Variants in ARB2A observed in about 807,000 individuals in gnomAD.
The protein encoded by ARB2A is cotranscriptional regulator ARB2A.
At chr5:93,970,899 A>C in the ARB2A span, among the ~76,000 whole-genome samples, 1 of 152,224 alleles carries the variant, frequency 6.6e-6, no homozygotes, top group Non-Finnish European at 1.5e-5. Context: ...AACAAGCAAT[A>C]TGATTTATCA....
chr5:93,752,838 A>T, the ARB2A span, among the ~76,000 whole-genome samples: 1 of 152,186 alleles, frequency 6.6e-6, no homozygotes, highest in South Asian at 2.1e-4. Flanking sequence ...CTGGTGGTCA[A>T]CTTTTACAAT....
At chr5:93,726,913 G>A in the ARB2A span, among the ~76,000 whole-genome samples, 1 of 152,006 alleles carries the variant, frequency 6.6e-6, no homozygotes, top group East Asian at 1.9e-4. Flanking sequence ...AGGGCAAGAA[G>A]TTTCTAGATT....
chr5:93,947,045 T>C, the ARB2A span, among the ~76,000 whole-genome samples: 70 of 152,308 alleles, frequency 4.6e-4, no homozygotes, highest in African/African-American at 1.5e-3. Context: ...CTGTCTTCCT[T>C]AACTCTAGCT....
the ARB2A span, among the ~76,000 whole-genome samples, chr5:93,824,494 A>C: frequency 6.6e-6 from 1 of 152,214 alleles, no homozygotes; most frequent in Non-Finnish European, 1.5e-5. Flanking sequence ...AAATTAAAAA[A>C]AACACTTTAT....
chr5:93,647,065 G>T, the ARB2A span, among the ~76,000 whole-genome samples: 2 of 152,052 alleles, frequency 1.3e-5, no homozygotes, highest in African/African-American at 4.8e-5. Flanking sequence ...CTTCCCAACA[G>T]CAAGAAAATT....
At chr5:94,068,707 T>C in the ARB2A span, among the ~76,000 whole-genome samples, 1 of 151,824 alleles carries the variant, frequency 6.6e-6, no homozygotes, top group Non-Finnish European at 1.5e-5. Context: ...ATAAGCCCCA[T>C]GTTTAAAAGT....
At chr5:94,071,907 T>TA in the ARB2A span, among the ~76,000 whole-genome samples, 1 of 152,138 alleles carries the variant, frequency 6.6e-6, no homozygotes, top group Admixed American at 6.6e-5. Context: ...CATAAAAACT[T>TA]ATACATGAAT....
chr5:93,799,078 T>C, the ARB2A span, among the ~76,000 whole-genome samples: 2 of 152,252 alleles, frequency 1.3e-5, no homozygotes, highest in South Asian at 2.1e-4. Flanking sequence ...AGAAATTATG[T>C]CAAATTATTC....
chr5:93,869,590 A>G, the ARB2A span, among the ~76,000 whole-genome samples: 11 of 152,208 alleles, frequency 7.2e-5, no homozygotes, highest in African/African-American at 2.7e-4. Context: ...AACTCTATTT[A>G]GCAGATGATG....
chr5:93,952,204 C>A, the ARB2A span, among the ~76,000 whole-genome samples: 1 of 152,168 alleles, frequency 6.6e-6, no homozygotes, highest in Non-Finnish European at 1.5e-5. Flanking sequence ...CAATGACATT[C>A]TTCACAGAAA....
the ARB2A span, among the ~76,000 whole-genome samples, chr5:93,693,493 G>A: frequency 6.6e-5 from 10 of 152,158 alleles, no homozygotes; most frequent in South Asian, 2.1e-4. Flanking sequence ...ACCCTCCCAA[G>A]TCTAAACCAG....
the ARB2A span, among the ~76,000 whole-genome samples, chr5:93,660,469 G>GT: frequency 6.6e-6 from 1 of 152,150 alleles, no homozygotes; most frequent in African/African-American, 2.4e-5. Flanking sequence ...CCAGAGATGA[G>GT]TAAGGGGCAA....
the ARB2A span, among the ~76,000 whole-genome samples, chr5:93,853,162 AG>A: frequency 6.6e-6 from 1 of 152,000 alleles, no homozygotes; most frequent in South Asian, 2.1e-4. Flanking sequence ...CTCCTTGAAG[AG>A]GTCCTTCACG....
chr5:93,646,527 CTA>C, the ARB2A span, among the ~76,000 whole-genome samples: 69 of 152,084 alleles, frequency 4.5e-4, no homozygotes, highest in East Asian at 0.013. Context: ...TAATTTGTAA[CTA>C]TGTCATTCTT....
the ARB2A span, among the ~76,000 whole-genome samples, chr5:93,833,361 C>A: frequency 6.6e-6 from 1 of 152,130 alleles, no homozygotes; most frequent in Admixed American, 6.5e-5. Context: ...TTCTAATAAT[C>A]TGGAATGTGG....
the ARB2A span, among the ~76,000 whole-genome samples, chr5:93,653,184 G>T: frequency 6.6e-6 from 1 of 151,798 alleles, no homozygotes; most frequent in Non-Finnish European, 1.5e-5. Context: ...TGAATATTTT[G>T]GTACAACTTA....
At chr5:93,860,599 G>A in the ARB2A span, 3 of 151,354 alleles carry the variant, frequency 2.0e-5, no homozygotes, top group African/African-American at 7.3e-5. Context: ...ACAGGGAGAA[G>A]GATGTGAACA....
the ARB2A span, among the ~76,000 whole-genome samples, chr5:94,089,941 T>A: frequency 6.6e-6 from 1 of 152,174 alleles, no homozygotes; most frequent in African/African-American, 2.4e-5. Flanking sequence ...TGGAGCTGAC[T>A]TCTTAAACTC....
chr5:94,018,630 C>T, the ARB2A span, among the ~76,000 whole-genome samples: 1 of 152,048 alleles, frequency 6.6e-6, no homozygotes, highest in African/African-American at 2.4e-5. Context: ...TCTCTCATTT[C>T]CTTGAGCAGC....
Sources: allele counts gnomAD v4.1 joint callset (sites outside exome capture counted in the v4.1 genomes callset), GRCh38; gene constraint gnomAD v4.1.1; transcripts MANE v1.5; gene names NCBI Gene and HGNC (gene_info 2026-07-23, HGNC 2026-07-21).